The following ZNF185 variants were observed in gnomAD, a reference collection of about 807,000 sequenced individuals.
ZNF185 encodes zinc finger protein 185 with LIM domain.
ZNF185 carries 56 observed loss-of-function variants against 58.6 expected under a neutral mutation model. That is an observed-to-expected ratio of 0.95 (90% CI 0.77 to 1.19). The LOEUF (loss-of-function observed/expected upper bound fraction) is 1.19, where lower values mean the gene tolerates loss of function less well. Among genes scored for constraint, ZNF185 ranks in the 50% most tolerant of loss-of-function variants. The pLI, the probability that ZNF185 is intolerant of heterozygous loss-of-function variation, is 0.00. For missense variants in ZNF185, 627 were observed against 573.5 expected, an observed-to-expected ratio of 1.09 and a Z score of -0.95; for synonymous variants, 230 against 215.9, an observed-to-expected ratio of 1.07 and a Z score of -0.57.
At chrX:152,916,638 G>A (rs910326480) in intron 3 of ZNF185, among the ~76,000 whole-genome samples, 1 of 112,421 alleles carries the variant, frequency 8.9e-6, no homozygotes. Flanking sequence ...GCTGGCTGCT[G>A]CCTGGGCTCT....
At chrX:152,909,688 G>A (rs1231777313), upstream of ZNF185, among the ~76,000 whole-genome samples, 3 of 112,483 alleles carry the variant, frequency 2.7e-5, no homozygotes, top group African/African-American at 6.5e-5. Context: ...ACCCCAGCTT[G>A]TGGGAAAAGA....
At chrX:152,923,718 G>A (rs1940251584) in intron 11 of ZNF185, among the ~76,000 whole-genome samples, 2 of 112,047 alleles carry the variant, frequency 1.8e-5, no homozygotes, top group Admixed American at 1.9e-4. Context: ...CACATGTGCA[G>A]TTCACAATAC....
intron 15 of ZNF185, among the ~76,000 whole-genome samples, chrX:152,944,723 G>A (rs1039478380): frequency 6.2e-5 from 7 of 112,647 alleles, no homozygotes; most frequent in African/African-American, 2.3e-4. Flanking sequence ...GGAGGGCCAG[G>A]TGCAATGGCA....
chrX:152,959,745 G>A lies in ZNF185; in HGVS notation c.1456G>A (p.Glu486Lys), dbSNP rs368891115. 5.0e-6 allele frequency: 6 copies of A among 1,211,986 alleles called. No homozygotes were observed. The highest frequency in any genetic ancestry group is 6.7e-6 in the Non-Finnish European group (6 of 895,424). ...GAAGGATGTGGCCACCAAGGTCGGA[G>A]AGGCCTGGCAGGACAGGCCTGGAGC... is the stretch of plus-strand genomic sequence containing the variant. The change falls in exon 17 of 23, where the codon GAG becomes AAG. Residue 486 changes from glutamate to lysine, a missense_variant. Physicochemically the swap from Glu to Lys is moderately conservative, Grantham distance 56. Coordinates refer to ENST00000449285, the Ensembl canonical transcript of ZNF185.
Position 152,970,680 on chromosome X carries a change from C to G in ZNF185, c.*139C>G, listed in dbSNP as rs191495714. On this transcript the variant is annotated intron_variant, in intron 22 of 22. Coordinates refer to ENST00000449285, the Ensembl canonical transcript of ZNF185. Reference sequence around the variant, plus strand: ...TCCTTATGTTCAGGGGGCCTTGTGTCCTCATGTCCCTATGCCTTGTGATAC... The same window carrying G: ...TCCTTATGTTCAGGGGGCCTTGTGTGCTCATGTCCCTATGCCTTGTGATAC... 3.6e-5 allele frequency: 17 copies of G among 473,023 alleles called. No homozygotes were observed. In the African/African-American group the frequency reaches 4.2e-4, roughly 12 times the overall value. The allele number at this position is 473,023 out of a possible 1,213,427, so 39.0% of individuals were successfully genotyped here.
chrX:152,933,112 A>G (rs371523382), intron 14 of ZNF185, 141 bp downstream of exon 15: 9 of 412,925 alleles, frequency 2.2e-5, no homozygotes, highest in African/African-American at 1.8e-4. Flanking sequence ...ACACTCCCAC[A>G]TTCCACCACA....
intron 16 of ZNF185, among the ~76,000 whole-genome samples, chrX:152,951,434 T>G (rs1208053666): frequency 2.7e-5 from 3 of 112,364 alleles, no homozygotes; most frequent in Non-Finnish European, 5.6e-5. Flanking sequence ...TGTTTACATT[T>G]TGTCTCACAC....
At chrX:152,928,032 C>T (rs782742784) in intron 11 of ZNF185, among the ~76,000 whole-genome samples, 4 of 112,407 alleles carry the variant, frequency 3.6e-5, no homozygotes, top group Admixed American at 1.9e-4. Context: ...GATGTGTGTC[C>T]GGGGTGGCCT....
intron 15 of ZNF185, among the ~76,000 whole-genome samples, chrX:152,939,939 C>T (rs1303371573): frequency 5.4e-5 from 6 of 110,300 alleles, no homozygotes; most frequent in African/African-American, 9.9e-5. Context: ...CATGCCACCA[C>T]GCCCAGCTAA....
chrX:152,950,040 T>C (rs1185141970), intron 16 of ZNF185, among the ~76,000 whole-genome samples: 1 of 111,927 alleles, frequency 8.9e-6, no homozygotes, highest in Admixed American at 9.5e-5. Context: ...CGACTGGGGA[T>C]GATAAGGACA....
chrX:152,903,580 T>C, the ZNF185 span, among the ~76,000 whole-genome samples: 1 of 108,662 alleles, frequency 9.2e-6, no homozygotes, highest in Non-Finnish European at 1.9e-5. Context: ...GAAGACCACA[T>C]TGGTTCCCTG....
intron 14 of ZNF185, among the ~76,000 whole-genome samples, chrX:152,934,310 G>C (rs1422617247): frequency 1.8e-5 from 2 of 111,859 alleles, no homozygotes; most frequent in African/African-American, 6.5e-5. Context: ...TGGCTGTCGC[G>C]GAAGAGACTT....
In ZNF185 at chrX:152,940,285, G is replaced by A. The variant is rs1327806779; in HGVS notation, c.1211+2122G>A. Among the ~76,000 whole-genome samples the A allele has an allele frequency of 2.7e-5, 3 of 110,232 alleles. No individual in the cohort carries two copies. In the East Asian group the frequency reaches 8.6e-4, roughly 31 times the overall value. ...ATGTGCCCAGGGTGGTTCACTTACA[G>A]CTTGGTTTTTTATGTTCTAGGGAGA... On this transcript the variant is annotated intron_variant, in intron 15 of 22. Coordinates refer to ENST00000449285, the Ensembl canonical transcript of ZNF185.
Position 152,938,173 on chromosome X carries a change from G to T in ZNF185, c.1211+10G>T. 1 of 1,173,758 alleles carries T rather than the reference G, an allele frequency of 8.5e-7. No individual in the cohort carries two copies. Among genetic ancestry groups the T allele is most frequent in the Non-Finnish European group, 1.1e-6 (1 of 875,093 alleles). Reference sequence around the variant, plus strand: ...AGGCAGACCCAAAGGGGTAAGGCATGAGCAGACAGTGCTGAACTTCTGGGG... The same window carrying T: ...AGGCAGACCCAAAGGGGTAAGGCATTAGCAGACAGTGCTGAACTTCTGGGG... On this transcript the variant is annotated intron_variant, in intron 15 of 22. Transcript: ENST00000449285.
chrX:152,933,050 C>T lies in ZNF185; in HGVS notation c.1121+79C>T, dbSNP rs1556879006. Reference sequence around the variant, plus strand: ...TCAAGCTGCCAGGCTGCTTGGGCTGCTATGGGTGGGGCACTGGTCACTTCC... The same window carrying T: ...TCAAGCTGCCAGGCTGCTTGGGCTGTTATGGGTGGGGCACTGGTCACTTCC... On this transcript the variant is annotated intron_variant, in intron 14 of 22. Coordinates refer to ENST00000449285, the Ensembl canonical transcript of ZNF185. 4 of 693,801 alleles carry T rather than the reference C, an allele frequency of 5.8e-6. No individual in the cohort carries two copies. In the African/African-American group the frequency reaches 8.8e-5, roughly 15 times the overall value. The allele number at this position is 693,801 out of a possible 1,213,427, so 57.2% of individuals were successfully genotyped here.
intron 21 of ZNF185, among the ~76,000 whole-genome samples, chrX:152,969,992 A>T (rs1556917938): frequency 8.9e-6 from 1 of 112,004 alleles, no homozygotes; most frequent in African/African-American, 3.3e-5. Context: ...TGCACTGAGA[A>T]AAACAACCCT....
In ZNF185 at chrX:152,939,788, T is replaced by G. The variant is rs781891936; in HGVS notation, c.1211+1625T>G. Among the ~76,000 whole-genome samples the G allele has an allele frequency of 1.1e-3, 107 of 97,901 alleles. 1 individual carries two copies. The highest frequency in any genetic ancestry group is 3.6e-3 in the African/African-American group (98 of 26,893). The allele number at this position is 97,901 out of a possible 115,157, so 85.0% of individuals were successfully genotyped here. ...CAAAATCAGAGGTGTTTTTTTTTTT[T>G]TTTTTTTTTTTTGAGACAGAGTTTT... is the stretch of plus-strand genomic sequence containing the variant. On this transcript the variant is annotated intron_variant, in intron 15 of 22. Coordinates refer to ENST00000449285, the Ensembl canonical transcript of ZNF185.
chrX:152,924,777 C>T (rs782373891), intron 11 of ZNF185, among the ~76,000 whole-genome samples: 13 of 110,675 alleles, frequency 1.2e-4, no homozygotes, highest in African/African-American at 4.3e-4. Context: ...CTCCGCCTCC[C>T]GGGTTCAAGC....
At chrX:152,909,281 C>T in the ZNF185 span, among the ~76,000 whole-genome samples, 1 of 112,633 alleles carries the variant, frequency 8.9e-6, no homozygotes, top group African/African-American at 3.2e-5. Flanking sequence ...CCACCCCCTG[C>T]TGCCACCCAT....
Sources: gnomAD v4.1 joint callset for allele counts (sites outside exome capture counted in the v4.1 genomes callset) on GRCh38, gnomAD v4.1.1 for gene constraint, MANE v1.5 for transcripts, NCBI Gene and HGNC (gene_info 2026-07-23, HGNC 2026-07-21) for gene names.